EPPK1: variants seen among roughly 807,000 people sequenced by gnomAD.
The protein encoded by EPPK1 is epiplakin.
For synonymous variants in EPPK1, 1,862 were observed against 1,721.2 expected (o/e 1.08, Z -2.03); for missense variants, 3,823 against 3,673.3 (o/e 1.04, Z -1.05).
In EPPK1 at chr8:143,869,725, C is replaced by T; in HGVS notation, c.3529G>A (p.Ala1177Thr). 2 of 1,599,262 alleles carry T rather than the reference C, an allele frequency of 1.3e-6. No homozygotes were observed. The highest frequency in any genetic ancestry group is 1.7e-6 in the Non-Finnish European group (2 of 1,173,872). Reference protein sequence around the residue: ...EGRTTVPQLLASVQRWVQETK... With the variant: ...EGRTTVPQLLTSVQRWVQETK... ...TCCTGTACCCACCTCTGCACAGAGG[C>T]TAGCAGCTGTGGCACAGTGGTCCTC... Residue 1177 changes from alanine (A) to threonine (T), a missense_variant, in exon 2 of 2, where the codon GCC (alanine) becomes ACC (threonine). Transcript: ENST00000615648.
chr8:143,871,837 G>A lies in EPPK1; in HGVS notation c.1417C>T (p.Arg473Trp), dbSNP rs545081362. 7.4e-5 allele frequency: 120 copies of A among 1,612,288 alleles called. 1 individual carries two copies. The Middle Eastern group carries it at 3.3e-3, about 44-fold the overall frequency. The change falls in exon 2 of 2, where the codon CGG becomes TGG. Residue 473 changes from arginine to tryptophan, a missense_variant. Coordinates refer to ENST00000615648, the MANE Select transcript of EPPK1 (RefSeq NM_031308.4). Reference sequence around the variant, plus strand: ...GGGGGTCCCTGGGGCTCCCCTCCCCGGGGTCCCCCTGAGAGTGGCAGGAAG... The same window carrying A: ...GGGGGTCCCTGGGGCTCCCCTCCCCAGGGTCCCCCTGAGAGTGGCAGGAAG... ...LAFLPLSGGP[R>W]GGEPQGPPFI...
Position 143,857,912 on chromosome 8 carries a change from AAAAAAAAC to A in EPPK1, c.*67_*74del. 4 of 824,838 alleles carry A rather than the reference AAAAAAAAC, an allele frequency of 4.8e-6. No individual in the cohort carries two copies. In the African/African-American group the frequency reaches 5.3e-5, roughly 11 times the overall value. 51.1% of individuals were successfully genotyped at this position (824,838 alleles called of 1,614,324 possible). ...AAAGAATGACAAAAAAAAAAAAAAA[AAAAAAAAC>A]AACCCAGACACACAAGTATGCCTCC... is the stretch of plus-strand genomic sequence containing the variant. On this transcript the variant is annotated 3_prime_UTR_variant, in exon 2 of 2. Coordinates refer to ENST00000615648, the MANE Select transcript of EPPK1 (RefSeq NM_031308.4).
At chr8:143,877,085 C>T (rs1347410161) in intron 1 of EPPK1, among the ~76,000 whole-genome samples, 1 of 152,242 alleles carries the variant, frequency 6.6e-6, no homozygotes, top group Non-Finnish European at 1.5e-5. Context: ...CGGGGGCAGG[C>T]TTGCCCTGCG....
chr8:143,875,270 T>A (rs552850389), intron 1 of EPPK1, among the ~76,000 whole-genome samples: 1 of 152,302 alleles, frequency 6.6e-6, no homozygotes, highest in Admixed American at 6.5e-5. Flanking sequence ...CTGAGGGCTG[T>A]CGAGGCTCGT....
chr8:143,871,325 A>T lies in EPPK1; in HGVS notation c.1929T>A (p.Leu643=). 1 of 1,611,930 alleles carries T rather than the reference A, an allele frequency of 6.2e-7. No individual in the cohort carries two copies. Among genetic ancestry groups the T allele is most frequent in the South Asian group, 1.1e-5 (1 of 90,906 alleles). The change falls in exon 2 of 2, where the codon CTT becomes CTA. Residue 643 remains leucine (L), a synonymous_variant. Transcript: ENST00000615648. ...GLLRPGTALI[L]LEAQAATGFI... is the part of the protein sequence containing the mutation. ...AGCCTGTGGCAGCTTGTGCCTCCAG[A>T]AGGATGAGGGCAGTGCCGGGCCGGA... is the stretch of plus-strand genomic sequence containing the variant.
rs782426672 is a variant in EPPK1, at chr8:143,872,152, C to A, written c.1102G>T (p.Asp368Tyr). The A allele has an allele frequency of 6.3e-7, 1 of 1,580,824 alleles. No individual in the cohort carries two copies. The highest frequency in any genetic ancestry group is 8.6e-7 in the Non-Finnish European group (1 of 1,163,744). Reference sequence around the variant, plus strand: ...GGGATTTGGGAGCCACTGAAGGGGTCGTGGTGCCCTGTCACGGCCTGCTCG... The same window carrying A: ...GGGATTTGGGAGCCACTGAAGGGGTAGTGGTGCCCTGTCACGGCCTGCTCG... ...VAEQAVTGHH[D>Y]PFSGSQIPLF... Residue 368 changes from aspartate (D) to tyrosine (Y), a missense_variant, in exon 2 of 2, where the codon GAC becomes TAC. Transcript: ENST00000615648.
rs1819234106 is a variant in EPPK1, at chr8:143,868,847, G to C, written c.4407C>G (p.Leu1469=). 3 of 1,608,160 alleles carry C rather than the reference G, an allele frequency of 1.9e-6. No individual in the cohort carries two copies. The highest frequency in any genetic ancestry group is 1.7e-5 in the Admixed American group (1 of 59,934). The change falls in exon 2 of 2, where the codon CTC becomes CTG. Residue 1469 remains leucine, a synonymous_variant. Transcript: ENST00000615648. ...CGTATTCGGAGAGCAGCAGGTCCCAGAGTGACACGCTACACCCCTTAAACC... is the reference window on the plus strand; with the variant it reads ...CGTATTCGGAGAGCAGCAGGTCCCACAGTGACACGCTACACCCCTTAAACC... ...TGRFKGCSVS[L]WDLLLSEYVG... is the part of the protein sequence containing the mutation.
chr8:143,875,940 GC>G (rs11323282), intron 1 of EPPK1, among the ~76,000 whole-genome samples: 49,023 of 151,894 alleles, frequency 0.32, 8,552 homozygotes, highest in African/African-American at 0.42. Flanking sequence ...TGGCACAGTG[GC>G]CCCCACCCCC....
chr8:143,868,161 C>A lies in EPPK1; in HGVS notation c.5093G>T (p.Arg1698Leu). 5 of 1,613,134 alleles carry A rather than the reference C, an allele frequency of 3.1e-6. No homozygotes were observed. Among genetic ancestry groups the A allele is most frequent in the Non-Finnish European group, 3.4e-6 (4 of 1,180,014 alleles). ...GCGGTAGGCCACGTCCACGGGCACG[C>A]GGTGGCTGTGCACGGGGTCGATGAT... is the stretch of plus-strand genomic sequence containing the variant. ...GGIIDPVHSH[R>L]VPVDVAYRCG... The change falls in exon 2 of 2, where the codon CGC becomes CTC. Residue 1698 changes from arginine (R) to leucine (L), a missense_variant. Physicochemically the swap from Arg to Leu is moderately radical, Grantham distance 102. Transcript: ENST00000615648.
In EPPK1 at chr8:143,867,775, A is replaced by C. The variant is rs373276585; in HGVS notation, c.5479T>G (p.Leu1827Val). 16 of 1,613,248 alleles carry C rather than the reference A, an allele frequency of 9.9e-6. No individual in the cohort carries two copies. Among genetic ancestry groups the C allele is most frequent in the Non-Finnish European group, 1.4e-5 (16 of 1,179,820 alleles). The change falls in exon 2 of 2, where the codon TTG becomes GTG. Residue 1827 changes from leucine to valine, a missense_variant. Leu to Val is a conservative substitution (Grantham distance 32). Transcript: ENST00000615648. Reference protein sequence around the residue: ...YGAQSGGLEKLLEIITTTIEE... With the variant: ...YGAQSGGLEKVLEIITTTIEE... ...ATTGTCGTGGTGATGATTTCCAGCA[A>C]TTTCTCCAGGCCCCCACTCTGGGCT... is the stretch of plus-strand genomic sequence containing the variant.
chr8:143,874,522 A>T (rs1554662107), intron 1 of EPPK1, among the ~76,000 whole-genome samples: 1 of 152,152 alleles, frequency 6.6e-6, no homozygotes, highest in Admixed American at 6.5e-5. Context: ...AAGCCAAGGA[A>T]TTCCCAGGAC....
At chr8:143,878,236 T>C (rs1487714040) in intron 1 of EPPK1, among the ~76,000 whole-genome samples, 3 of 151,454 alleles carry the variant, frequency 2.0e-5, no homozygotes, top group Admixed American at 6.6e-5. Flanking sequence ...GCGGGAAACC[T>C]GCCCGGCCAG....
At position 143,868,951 on chromosome 8, in the gene EPPK1, G is replaced by T; in HGVS notation, c.4303C>A (p.Pro1435Thr). Residue 1435 changes from proline (P) to threonine (T), a missense_variant, in exon 2 of 2, where the codon CCC becomes ACC. Coordinates refer to ENST00000615648, the MANE Select transcript of EPPK1 (RefSeq NM_031308.4). ...SETGLLLLPL[P>T]SDTVLEVDDH... is the part of the protein sequence containing the mutation. ...TCCACCTCAAGCACTGTGTCTGAGGGCAGTGGCAACAGCAACAATCCGGTC... is the reference window on the plus strand; with the variant it reads ...TCCACCTCAAGCACTGTGTCTGAGGTCAGTGGCAACAGCAACAATCCGGTC... 6.2e-7 allele frequency: 1 copy of T among 1,610,806 alleles called. No homozygotes were observed.
chr8:143,867,567 C>T lies in EPPK1; in HGVS notation c.5687G>A (p.Ser1896Asn). The change falls in exon 2 of 2, where the codon AGC (serine) becomes AAC (asparagine). Residue 1896 changes from serine to asparagine, a missense_variant. Ser to Asn is a conservative substitution (Grantham distance 46, BLOSUM62 1). Coordinates refer to ENST00000615648, the MANE Select transcript of EPPK1 (RefSeq NM_031308.4). ...CACCGTGACCCCCGCAATGCAGCCGCTGCCTTCCAGATAGGGCTTCACACA... is the reference window on the plus strand; with the variant it reads ...CACCGTGACCCCCGCAATGCAGCCGTTGCCTTCCAGATAGGGCTTCACACA... The part of the protein sequence containing the change: ...LECVKPYLEG[S>N]GCIAGVTVPS... 4 of 1,612,938 alleles carry T rather than the reference C, an allele frequency of 2.5e-6. No individual in the cohort carries two copies. The highest frequency in any genetic ancestry group is 1.3e-5 in the African/African-American group (1 of 75,046).
chr8:143,867,582 G>C lies in EPPK1; in HGVS notation c.5672C>G (p.Pro1891Arg). 1 of 1,612,926 alleles carries C rather than the reference G, an allele frequency of 6.2e-7. No homozygotes were observed. Among genetic ancestry groups the C allele is most frequent in the Non-Finnish European group, 8.5e-7 (1 of 1,179,818 alleles). Residue 1891 changes from proline (P) to arginine (R), a missense_variant, in exon 2 of 2, where the codon CCC (proline) becomes CGC (arginine). Pro to Arg is a moderately radical substitution (Grantham distance 103). Coordinates refer to ENST00000615648, the MANE Select transcript of EPPK1 (RefSeq NM_031308.4). Reference sequence around the variant, plus strand: ...AATGCAGCCGCTGCCTTCCAGATAGGGCTTCACACACTCCAGCGTGCTGAG... The same window carrying C: ...AATGCAGCCGCTGCCTTCCAGATAGCGCTTCACACACTCCAGCGTGCTGAG... ...QALSTLECVK[P>R]YLEGSGCIAG...
chr8:143,875,359 T>A (rs947238995), intron 1 of EPPK1, among the ~76,000 whole-genome samples: 11 of 152,250 alleles, frequency 7.2e-5, no homozygotes, highest in African/African-American at 2.6e-4. Flanking sequence ...TCCCTTCCCT[T>A]CTGCAGATAC....
In EPPK1 at chr8:143,872,669, T is replaced by G; in HGVS notation, c.585A>C (p.Thr195=). ...TGGGGTCGAGGAAGCGCAGGTCACC[T>G]GTGCCAGGCTCAAGCTCTGACAGCT... ...WHKLSELEPG[T]GDLRFLDPNT... Residue 195 remains threonine, a synonymous_variant, in exon 2 of 2, where the codon ACA becomes ACC. Coordinates refer to ENST00000615648, the MANE Select transcript of EPPK1 (RefSeq NM_031308.4). 1.2e-6 allele frequency: 2 copies of G among 1,607,864 alleles called. No individual in the cohort carries two copies. The highest frequency in any genetic ancestry group is 1.7e-6 in the Non-Finnish European group (2 of 1,178,526).
At chr8:143,874,260 C>A (rs1819438237) in intron 1 of EPPK1, among the ~76,000 whole-genome samples, 1 of 152,264 alleles carries the variant, frequency 6.6e-6, no homozygotes, top group South Asian at 2.1e-4. Flanking sequence ...TGCACGTCAA[C>A]TGCCTCCACC....
In EPPK1 at chr8:143,872,232, T is replaced by C. The variant is rs1301703474; in HGVS notation, c.1022A>G (p.Glu341Gly). 6.2e-7 allele frequency: 1 copy of C among 1,609,610 alleles called. No homozygotes were observed. The highest frequency in any genetic ancestry group is 8.5e-7 in the Non-Finnish European group (1 of 1,178,572). Residue 341 changes from glutamate (E) to glycine (G), a missense_variant, in exon 2 of 2, where the codon GAG (glutamate) becomes GGG (glycine). Physicochemically the swap from Glu to Gly is moderately conservative, Grantham distance 98. Transcript: ENST00000615648. Reference protein sequence around the residue: ...PITGQRLWVDEAVRAGLVSPE... With the variant: ...PITGQRLWVDGAVRAGLVSPE... Reference sequence around the variant, plus strand: ...GCTGACCAGGCCCGCCCTGACTGCCTCGTCTACCCACAGCCGCTGGCCTGT... The same window carrying C: ...GCTGACCAGGCCCGCCCTGACTGCCCCGTCTACCCACAGCCGCTGGCCTGT...
Sources: allele counts gnomAD v4.1 joint callset (sites outside exome capture counted in the v4.1 genomes callset), GRCh38; gene constraint gnomAD v4.1.1; transcripts MANE v1.5; gene names NCBI Gene and HGNC (gene_info 2026-07-23, HGNC 2026-07-21).